NAV3: variants seen among roughly 807,000 people sequenced by gnomAD.
NAV3 encodes the protein neuron navigator 3.
Under a neutral mutation model 244.7 loss-of-function variants are expected in NAV3, and 87 were observed. The observed-to-expected ratio is 0.36, with a 90% confidence interval of 0.30 to 0.42. The LOEUF (loss-of-function observed/expected upper bound fraction) is 0.42, where lower values mean the gene tolerates loss of function less well. Among genes scored for constraint, NAV3 ranks in the 20% least tolerant of loss-of-function variants. The probability of loss-of-function intolerance (pLI) is 1.00; values close to 1 mark genes in which losing one functional copy is unlikely to be tolerated. For missense variants in NAV3, 2,663 were observed against 2,893.3 expected (o/e 0.92, Z 1.83); for synonymous variants, 1,126 against 1,042.2 (o/e 1.08, Z -1.55).
chr12:78,011,617 A>T (rs1013758898), intron 8 of NAV3, among the ~76,000 whole-genome samples: 7 of 152,164 alleles, frequency 4.6e-5, no homozygotes, highest in African/African-American at 1.7e-4. Context: ...TAATCCAGGC[A>T]TGATGGGAAA....
intron 15 of NAV3, among the ~76,000 whole-genome samples, chr12:78,120,991 A>G (rs1343624963): frequency 6.6e-6 from 1 of 152,210 alleles, no homozygotes; most frequent in Non-Finnish European, 1.5e-5. Context: ...ACTGATTCTC[A>G]TTGGGAAGAA....
chr12:77,782,261 C>T (rs1342864482), intron 2 of NAV3, among the ~76,000 whole-genome samples: 1 of 150,472 alleles, frequency 6.6e-6, no homozygotes, highest in Non-Finnish European at 1.5e-5. Context: ...GCCTCCAACT[C>T]CCCCTTGCCT....
intron 2 of NAV3, among the ~76,000 whole-genome samples, chr12:77,754,935 T>C (rs544237356): frequency 6.6e-6 from 1 of 152,332 alleles, no homozygotes; most frequent in African/African-American, 2.4e-5. Flanking sequence ...AATAAACTTA[T>C]AATTGCTGGC....
rs569787620 is a variant in NAV3, at chr12:77,769,815, G to A, written c.73-170504G>A. On this transcript the variant is annotated intron_variant, in intron 2 of 8. Transcript: ENST00000550042. Reference sequence around the variant, plus strand: ...GCAGATCCTGTATTGATATCTTTTAGTTAACTAGGCAGTGAATATTATTAA... The same window carrying A: ...GCAGATCCTGTATTGATATCTTTTAATTAACTAGGCAGTGAATATTATTAA... Among the ~76,000 whole-genome samples the A allele has an allele frequency of 1.7e-3, 257 of 152,176 alleles. 1 individual carries two copies. Among genetic ancestry groups the A allele is most frequent in the African/African-American group, 5.9e-3 (243 of 41,530 alleles).
intron 12 of NAV3, among the ~76,000 whole-genome samples, chr12:78,072,310 G>T (rs1262884205): frequency 7.2e-6 from 1 of 138,878 alleles, no homozygotes; most frequent in Admixed American, 7.3e-5. Context: ...AAGAAAAAAA[G>T]AGAGAAGAAT....
chr12:77,843,627 T>C (rs948203812), intron 1 of NAV3, among the ~76,000 whole-genome samples: 1 of 152,052 alleles, frequency 6.6e-6, no homozygotes, highest in African/African-American at 2.4e-5. Flanking sequence ...CAATATTACC[T>C]AGAAGCCACA....
At chr12:78,174,599 G>T (rs1394231105) in intron 24 of NAV3, among the ~76,000 whole-genome samples, 1 of 151,882 alleles carries the variant, frequency 6.6e-6, no homozygotes, top group Non-Finnish European at 1.5e-5. Context: ...TTTGTTATTG[G>T]TATTACTATT....
intron 2 of NAV3, among the ~76,000 whole-genome samples, chr12:77,722,816 T>C (rs1262791524): frequency 6.6e-6 from 1 of 152,038 alleles, no homozygotes; most frequent in Non-Finnish European, 1.5e-5. Flanking sequence ...TATCATGCAG[T>C]GTTTATGAGG....
chr12:78,122,072 T>C lies in NAV3; in HGVS notation c.3882T>C (p.Gly1294=), dbSNP rs1955693874. 2 of 1,614,184 alleles carry C rather than the reference T, an allele frequency of 1.2e-6. No homozygotes were observed. The highest frequency in any genetic ancestry group is 3.3e-5 in the Admixed American group (2 of 60,032). The change falls in exon 16 of 40, where the codon GGT becomes GGC. Residue 1294 remains glycine, a synonymous_variant. Transcript: ENST00000397909. The stretch of plus-strand genomic sequence containing the variant: ...GCAGTCTGGAGTCACCGTCGTCCGG[T>C]ACGGGCAGCATGGGCAGTGCTGGTG... The part of the protein sequence containing the change: ...RQGSLESPSS[G]TGSMGSAGGL...
chr12:77,653,882 G>C (rs1177106615), intron 2 of NAV3, among the ~76,000 whole-genome samples: 1 of 151,862 alleles, frequency 6.6e-6, no homozygotes, highest in African/African-American at 2.4e-5. Context: ...ATATATGTGG[G>C]ACAAGTAATG....
At chr12:77,835,072 C>T (rs1314935220) in intron 1 of NAV3, among the ~76,000 whole-genome samples, 3 of 37,058 alleles carry the variant, frequency 8.1e-5, no homozygotes, top group Non-Finnish European at 1.7e-4. Flanking sequence ...GGTAGGGAGA[C>T]TTCAGGAAGT....
In NAV3 at chr12:78,199,353, T is replaced by C. The variant is rs1348190274; in HGVS notation, c.6537T>C (p.Asn2179=). Residue 2179 remains asparagine (N), a synonymous_variant, in exon 37 of 40, where the codon AAT becomes AAC. Coordinates refer to ENST00000397909, the MANE Select transcript of NAV3 (RefSeq NM_001024383.2). ...TTTGTAGGTGGGTATTATGTGCAAA[T>C]CATACAGAACCAGTGAAAGGCTTTT... ...HHNFRWVLCA[N]HTEPVKGFLG... 2 of 1,604,146 alleles carry C rather than the reference T, an allele frequency of 1.2e-6. No individual in the cohort carries two copies. The highest frequency in any genetic ancestry group is 1.7e-6 in the Non-Finnish European group (2 of 1,176,780).
intron 2 of NAV3, among the ~76,000 whole-genome samples, chr12:77,618,876 A>G (rs1270643572): frequency 1.3e-5 from 2 of 152,330 alleles, no homozygotes; most frequent in Non-Finnish European, 2.9e-5. Context: ...GATTGTCAGT[A>G]GCCTACTTGA....
intron 1 of NAV3, among the ~76,000 whole-genome samples, chr12:77,837,391 G>A (rs149170409): frequency 6.6e-6 from 1 of 152,140 alleles, no homozygotes; most frequent in East Asian, 1.9e-4. Flanking sequence ...ATATTTAGGA[G>A]AAATCATTGC....
chr12:77,986,895 T>A (rs1593202440), intron 5 of NAV3, among the ~76,000 whole-genome samples: 1 of 152,260 alleles, frequency 6.6e-6, no homozygotes, highest in South Asian at 2.1e-4. Flanking sequence ...CATGATTGAT[T>A]AGTGATGTCT....
intron 1 of NAV3, among the ~76,000 whole-genome samples, chr12:77,885,437 T>TAAG (rs2136667313): frequency 6.6e-6 from 1 of 152,252 alleles, no homozygotes; most frequent in East Asian, 1.9e-4. Context: ...AATAGTACCT[T>TAAG]ACGCAGAATA....
intron 24 of NAV3, among the ~76,000 whole-genome samples, chr12:78,171,004 T>C (rs372986): frequency 0.049 from 7,422 of 151,836 alleles, 197 homozygotes; most frequent in Non-Finnish European, 0.071. Flanking sequence ...AAGATGCCCA[T>C]GATGATGTCT....
At chr12:77,737,821 C>T (rs146538421) in intron 2 of NAV3, among the ~76,000 whole-genome samples, 71 of 152,214 alleles carry the variant, frequency 4.7e-4, no homozygotes, top group Admixed American at 1.1e-3. Flanking sequence ...TGTGTGTTTT[C>T]GGTATTTCGC....
intron 3 of NAV3, among the ~76,000 whole-genome samples, chr12:77,955,965 A>T (rs573165112): frequency 9.2e-5 from 14 of 152,298 alleles, no homozygotes; most frequent in African/African-American, 2.9e-4. Flanking sequence ...TATTGCATTA[A>T]ATTGGAATTA....
Sources: allele counts gnomAD v4.1 joint callset (sites outside exome capture counted in the v4.1 genomes callset), GRCh38; gene constraint gnomAD v4.1.1; transcripts MANE v1.5; gene names NCBI Gene and HGNC (gene_info 2026-07-23, HGNC 2026-07-21).